The following SETBP1 variants were observed in gnomAD, a reference collection of about 807,000 sequenced individuals.
The protein encoded by SETBP1 is SET binding protein 1.
SETBP1 carries 9 observed loss-of-function variants against 101.0 expected under a neutral mutation model. The ratio of observed to expected loss-of-function variants is 0.09; its 90% CI spans 0.05 to 0.16. The LOEUF (loss-of-function observed/expected upper bound fraction) is 0.16. SETBP1 is among the 10% of genes least tolerant of loss of function. The probability of loss-of-function intolerance (pLI) is 1.00; values close to 1 mark genes in which losing one functional copy is unlikely to be tolerated. For synonymous variants in SETBP1, 818 were observed against 788.5 expected, an observed-to-expected ratio of 1.04 and a Z score of -0.63; for missense variants, 1,858 against 2,033.8, an observed-to-expected ratio of 0.91 and a Z score of 1.66.
rs141779716 is a variant in SETBP1 at position 44,746,569 on chromosome 18, G to A, written c.486+44737G>A. On this transcript the variant is annotated intron_variant, in intron 2 of 5. Transcript: ENST00000649279. ...TCAAATGTGATATTTGGGGAGTGGC[G>A]TCTGAGTTGGAATATCTCTTTGTTC... Among the ~76,000 whole-genome samples the A allele has an allele frequency of 4.1e-4, 62 of 152,306 alleles. 1 individual carries two copies. The East Asian group carries it at 0.011, about 27-fold the overall frequency.
chr18:44,948,530 T>TAGATAGATAGATGATA (rs1555705506), intron 3 of SETBP1, among the ~76,000 whole-genome samples: 1 of 29,544 alleles, frequency 3.4e-5, no homozygotes, highest in Non-Finnish European at 6.7e-5. Flanking sequence ...GATAGATAGA[T>TAGATAGATAGATGATA]GATAGATAGA....
intron 3 of SETBP1, among the ~76,000 whole-genome samples, chr18:44,922,023 C>A (rs1297169757): frequency 6.6e-6 from 1 of 152,178 alleles, no homozygotes; most frequent in Non-Finnish European, 1.5e-5. Flanking sequence ...AATTTGAACT[C>A]TATTCCTGAA....
At chr18:45,011,786 TC>T (rs1054734917) in intron 4 of SETBP1, among the ~76,000 whole-genome samples, 1 of 152,196 alleles carries the variant, frequency 6.6e-6, no homozygotes, top group African/African-American at 2.4e-5. Context: ...GCCACCTCTG[TC>T]CAGCTGTGTG....
At chr18:44,847,479 C>G (rs2072747662) in intron 2 of SETBP1, among the ~76,000 whole-genome samples, 1 of 152,196 alleles carries the variant, frequency 6.6e-6, no homozygotes, top group Admixed American at 6.5e-5. Flanking sequence ...GGCTGAGCAT[C>G]CAAACTTGGC....
intron 2 of SETBP1, among the ~76,000 whole-genome samples, chr18:44,719,801 A>G (rs1046669843): frequency 6.6e-6 from 1 of 152,110 alleles, no homozygotes; most frequent in African/African-American, 2.4e-5. Flanking sequence ...TGCTCATCTT[A>G]TTTAACACTG....
chr18:44,870,902 C>A (rs2069258137), intron 3 of SETBP1: 1 of 152,108 alleles, frequency 6.6e-6, no homozygotes, highest in Non-Finnish European at 1.5e-5. Flanking sequence ...TAGATTTAAA[C>A]TAATAGAGCA....
intron 2 of SETBP1, among the ~76,000 whole-genome samples, chr18:44,791,720 CGAGAGAGA>C (rs111572062): frequency 6.8e-6 from 1 of 147,542 alleles, no homozygotes; most frequent in Non-Finnish European, 1.5e-5. Context: ...CCTGTGGGGG[CGAGAGAGA>C]GAGAGAGAGA....
chr18:44,685,818 A>G (rs1209736393), intron 1 of SETBP1, among the ~76,000 whole-genome samples: 2 of 152,188 alleles, frequency 1.3e-5, no homozygotes, highest in African/African-American at 4.8e-5. Context: ...TCGTGTTCTA[A>G]TAATTCAACC....
intron 4 of SETBP1, among the ~76,000 whole-genome samples, chr18:44,963,821 TCAA>T (rs1326474033): frequency 4.6e-5 from 6 of 129,602 alleles, no homozygotes; most frequent in African/African-American, 8.9e-5. Flanking sequence ...GCCCAGGAGT[TCAA>T]GGCTGCAGGA....
intron 3 of SETBP1, 102 bp downstream of exon 3, chr18:44,869,385 G>T: frequency 9.3e-7 from 1 of 1,071,328 alleles, no homozygotes. Context: ...CCCGAACCTT[G>T]GATTTCTAGC....
At chr18:44,778,395 A>C (rs2071052252) in intron 2 of SETBP1, among the ~76,000 whole-genome samples, 1 of 152,210 alleles carries the variant, frequency 6.6e-6, no homozygotes, top group Admixed American at 6.5e-5. Context: ...CTTAGGGTTA[A>C]GAAGTTCATC....
chr18:44,958,192 A>G (rs566046628), intron 4 of SETBP1, among the ~76,000 whole-genome samples: 1 of 152,358 alleles, frequency 6.6e-6, no homozygotes, highest in East Asian at 1.9e-4. Context: ...GCACACATGT[A>G]CAGGCAGTAG....
intron 2 of SETBP1, among the ~76,000 whole-genome samples, chr18:44,867,035 G>A (rs948907720): frequency 6.6e-6 from 1 of 152,084 alleles, no homozygotes; most frequent in Non-Finnish European, 1.5e-5. Context: ...CATGAGCTTT[G>A]GGAAAATATA....
chr18:44,868,667 C>CGAGAGAGAGAGA (rs147824825), intron 2 of SETBP1, among the ~76,000 whole-genome samples: 1 of 87,128 alleles, frequency 1.1e-5, no homozygotes. Context: ...TGTACTCCAG[C>CGAGAGAGAGAGA]GAGAGAGAGA....
chr18:44,832,484 C>G (rs527545828), intron 2 of SETBP1, among the ~76,000 whole-genome samples: 1 of 152,214 alleles, frequency 6.6e-6, no homozygotes, highest in African/African-American at 2.4e-5. Context: ...AGGGCGAGCC[C>G]CTCTAGCTCT....
intron 2 of SETBP1, among the ~76,000 whole-genome samples, chr18:44,769,278 C>T (rs749223084): frequency 3.9e-5 from 6 of 152,196 alleles, no homozygotes; most frequent in Non-Finnish European, 7.3e-5. Flanking sequence ...CATGGTAGCT[C>T]AACCTCGGGA....
chr18:45,026,305 C>G (rs1051405658), intron 4 of SETBP1, among the ~76,000 whole-genome samples: 3 of 152,078 alleles, frequency 2.0e-5, no homozygotes, highest in African/African-American at 4.8e-5. Flanking sequence ...CAGAATATAA[C>G]CTTTGAGCAC....
At chr18:44,708,133 C>T (rs955241828) in intron 2 of SETBP1, among the ~76,000 whole-genome samples, 1 of 152,288 alleles carries the variant, frequency 6.6e-6, no homozygotes. Context: ...GGCTGCTGCA[C>T]CCATGGTTTT....
intron 2 of SETBP1, among the ~76,000 whole-genome samples, chr18:44,744,610 G>C (rs1328001305): frequency 6.6e-6 from 1 of 152,190 alleles, no homozygotes; most frequent in Non-Finnish European, 1.5e-5. Context: ...CGAATGTCGC[G>C]CACCCAGTCT....
Sources: gnomAD v4.1 joint callset for allele counts (sites outside exome capture counted in the v4.1 genomes callset) on GRCh38, gnomAD v4.1.1 for gene constraint, MANE v1.5 for transcripts, NCBI Gene and HGNC (gene_info 2026-07-23, HGNC 2026-07-21) for gene names.